CACNB2: variants seen among roughly 807,000 people sequenced by gnomAD.
CACNB2 encodes the protein voltage-dependent L-type calcium channel subunit beta-2.
CACNB2 carries 42 observed loss-of-function variants against 73.3 expected under a neutral mutation model. That is an observed-to-expected ratio of 0.57 (90% CI 0.45 to 0.74). The LOEUF is 0.74. CACNB2 is among the 30% of genes least tolerant of loss of function. The pLI is 0.00. For synonymous variants in CACNB2, 348 were observed against 310.3 expected, an observed-to-expected ratio of 1.12 and a Z score of -1.28; for missense variants, 940 against 853.0, an observed-to-expected ratio of 1.10 and a Z score of -1.27.
At chr10:18,197,760 T>C (rs1200757830) in intron 2 of CACNB2, among the ~76,000 whole-genome samples, 7 of 152,016 alleles carry the variant, frequency 4.6e-5, no homozygotes, top group Admixed American at 4.6e-4. Flanking sequence ...TGGGATTCCT[T>C]TGAGCCAAAA....
At position 18,363,775 on chromosome 10, in the gene CACNB2, CT is replaced by C. The variant is rs573098808; in HGVS notation, c.214-38137del. Among the ~76,000 whole-genome samples the C allele has an allele frequency of 6.9e-3, 988 of 143,918 alleles. 10 individuals are homozygous for C. The highest frequency in any genetic ancestry group is 0.021 in the African/African-American group (847 of 39,476). The allele number at this position is 143,918 out of a possible 152,430, so 94.4% of individuals were successfully genotyped here. A position where few individuals can be genotyped will look rare whatever the true frequency, so the allele number is the denominator to read the frequency against. On this transcript the variant is annotated intron_variant, in intron 2 of 13. Transcript: ENST00000324631. ...CACCTAACCTCTCTGGAAATCAGTTCTTTTTTTTTTTTCTTTAAATAGTAAG... is the reference window on the plus strand; with the variant it reads ...CACCTAACCTCTCTGGAAATCAGTTCTTTTTTTTTTTCTTTAAATAGTAAG...
chr10:18,537,222 A>G (rs2053688409), intron 12 of CACNB2, among the ~76,000 whole-genome samples: 1 of 152,060 alleles, frequency 6.6e-6, no homozygotes, highest in South Asian at 2.1e-4. Context: ...TCCCGACCTC[A>G]AGTGATCCAT....
At chr10:18,264,027 C>T (rs967346528) in intron 2 of CACNB2, among the ~76,000 whole-genome samples, 4 of 152,204 alleles carry the variant, frequency 2.6e-5, no homozygotes, top group African/African-American at 9.7e-5. Flanking sequence ...ACATGAAAAT[C>T]TGTGAGCTGA....
chr10:18,530,327 A>G (rs2052874895), intron 10 of CACNB2, among the ~76,000 whole-genome samples: 1 of 152,190 alleles, frequency 6.6e-6, no homozygotes, highest in African/African-American at 2.4e-5. Flanking sequence ...TGAAGGACAC[A>G]AAGTCCTCTT....
intron 3 of CACNB2, among the ~76,000 whole-genome samples, chr10:18,446,527 G>A (rs2046742942): frequency 6.6e-6 from 1 of 152,152 alleles, no homozygotes; most frequent in Admixed American, 6.5e-5. Flanking sequence ...CAAATAACTG[G>A]AGACAAGAGA....
At chr10:18,155,744 C>T (rs2031990308) in intron 2 of CACNB2, among the ~76,000 whole-genome samples, 1 of 151,854 alleles carries the variant, frequency 6.6e-6, no homozygotes, top group Non-Finnish European at 1.5e-5. Context: ...TCATTACAGT[C>T]AGTTTTATGA....
intron 2 of CACNB2, among the ~76,000 whole-genome samples, chr10:18,283,453 A>G (rs560790468): frequency 6.6e-6 from 1 of 152,244 alleles, no homozygotes; most frequent in Admixed American, 6.5e-5. Flanking sequence ...GGATTAAGAA[A>G]ATGTGGCACA....
At chr10:18,258,456 G>T (rs1000607167) in intron 2 of CACNB2, among the ~76,000 whole-genome samples, 1 of 152,110 alleles carries the variant, frequency 6.6e-6, no homozygotes, top group South Asian at 2.1e-4. Context: ...GGCCGGGCAC[G>T]GTGGCTCACG....
intron 2 of CACNB2, among the ~76,000 whole-genome samples, chr10:18,323,976 G>A (rs1205262884): frequency 6.6e-6 from 1 of 152,136 alleles, no homozygotes; most frequent in Admixed American, 6.5e-5. Flanking sequence ...ATAGCCTGCT[G>A]ATGTACAACA....
chr10:18,219,782 T>G (rs2035656222), intron 2 of CACNB2, among the ~76,000 whole-genome samples: 1 of 151,538 alleles, frequency 6.6e-6, no homozygotes, highest in Non-Finnish European at 1.5e-5. Flanking sequence ...ATTTTTTTTT[T>G]TTTTTGAGAC....
chr10:18,228,445 AAAAAG>A (rs1189672421), intron 2 of CACNB2, among the ~76,000 whole-genome samples: 6 of 148,246 alleles, frequency 4.0e-5, no homozygotes, highest in East Asian at 2.0e-4. Flanking sequence ...AAAAAAAAAA[AAAAAG>A]AAAAAAAAAA....
At chr10:18,495,755 G>T (rs2049773550) in intron 3 of CACNB2, among the ~76,000 whole-genome samples, 2 of 151,794 alleles carry the variant, frequency 1.3e-5, no homozygotes, top group Admixed American at 1.3e-4. Context: ...ATTTTTTTAT[G>T]TTTAATATTG....
intron 2 of CACNB2, among the ~76,000 whole-genome samples, chr10:18,334,533 C>T (rs950189588): frequency 5.3e-5 from 8 of 152,138 alleles, no homozygotes; most frequent in East Asian, 1.9e-4. Context: ...ACAGCTTTGA[C>T]ATAAAGGGCA....
chr10:18,442,622 C>A (rs1256732937), intron 3 of CACNB2, among the ~76,000 whole-genome samples: 1 of 151,314 alleles, frequency 6.6e-6, no homozygotes, highest in Admixed American at 6.6e-5. Context: ...GTCAAGATAT[C>A]AAGACCATCC....
At chr10:18,211,040 T>G (rs2131350834) in intron 2 of CACNB2, among the ~76,000 whole-genome samples, 1 of 152,338 alleles carries the variant, frequency 6.6e-6, no homozygotes, top group Non-Finnish European at 1.5e-5. Flanking sequence ...TGAGAGCATC[T>G]GAAGCACTGA....
chr10:18,261,783 G>T (rs1296439503), intron 2 of CACNB2, among the ~76,000 whole-genome samples: 27 of 152,124 alleles, frequency 1.8e-4, no homozygotes. Flanking sequence ...ATAATCACTG[G>T]ATGGATGACA....
chr10:18,506,347 C>T (rs2050488834), intron 5 of CACNB2, 124 bp from the exon 6 acceptor site: 2 of 697,892 alleles, frequency 2.9e-6, no homozygotes, highest in East Asian at 2.7e-5. Flanking sequence ...TTGTTTTCCT[C>T]CTTAAATGAA....
intron 4 of CACNB2, among the ~76,000 whole-genome samples, chr10:18,499,355 T>G (rs7070952): frequency 6.6e-6 from 1 of 151,954 alleles, no homozygotes; most frequent in Non-Finnish European, 1.5e-5. Context: ...CGGTGGCTCA[T>G]GCCTGTAATC....
At chr10:18,291,685 G>A (rs899411942) in intron 2 of CACNB2, among the ~76,000 whole-genome samples, 2 of 152,176 alleles carry the variant, frequency 1.3e-5, no homozygotes, top group African/African-American at 4.8e-5. Context: ...CCATGTTGGT[G>A]AAACTATTGT....
Sources: gnomAD v4.1 joint callset for allele counts (sites outside exome capture counted in the v4.1 genomes callset) on GRCh38, gnomAD v4.1.1 for gene constraint, MANE v1.5 for transcripts, NCBI Gene and HGNC (gene_info 2026-07-23, HGNC 2026-07-21) for gene names.